Variants in SRRM4 observed in about 807,000 individuals in gnomAD.
SRRM4 encodes the protein serine/arginine repetitive matrix protein 4.
Under a neutral mutation model 68.9 loss-of-function variants are expected in SRRM4, and 33 were observed. The observed-to-expected ratio is 0.48, with a 90% CI of 0.36 to 0.64. The LOEUF is 0.64. Ranked by LOEUF, SRRM4 falls within the 30% of genes least tolerant of loss-of-function variation. SRRM4 has a pLI of 0.00. For synonymous variants in SRRM4, 318 were observed against 318.8 expected, an observed-to-expected ratio of 1.00 and a Z score of 0.03; for missense variants, 817 against 827.1, an observed-to-expected ratio of 0.99 and a Z score of 0.15.
In SRRM4 at chr12:119,017,332, C is replaced by T. The variant is rs535882420; in HGVS notation, c.131+35319C>T. 4.1e-4 allele frequency among the ~76,000 whole-genome samples: 63 copies of T among 152,342 alleles called. 2 individuals carry two copies. The South Asian group carries it at 0.013, about 31-fold the overall frequency. ...ATAATTTCTTCCAGTTCTAAAATTC[C>T]CGGATGCTATGCCTGGAAAGGCACA... On this transcript the variant is annotated intron_variant, in intron 1 of 12. Coordinates refer to ENST00000267260, the MANE Select transcript of SRRM4 (RefSeq NM_194286.4).
intron 8 of SRRM4, among the ~76,000 whole-genome samples, chr12:119,141,454 G>A (rs1565917963): frequency 1.3e-5 from 2 of 152,008 alleles, no homozygotes; most frequent in African/African-American, 2.4e-5. Flanking sequence ...ACACCCAGCC[G>A]AGCTGGTCTT....
At chr12:119,091,211 A>G (rs1285407055) in intron 1 of SRRM4, among the ~76,000 whole-genome samples, 1 of 152,204 alleles carries the variant, frequency 6.6e-6, no homozygotes, top group Non-Finnish European at 1.5e-5. Flanking sequence ...GGATCCTGTG[A>G]GTGACCCTGC....
At chr12:119,051,396 G>C (rs1953741555) in intron 1 of SRRM4, among the ~76,000 whole-genome samples, 1 of 152,164 alleles carries the variant, frequency 6.6e-6, no homozygotes, top group Non-Finnish European at 1.5e-5. Context: ...AAAAAGCAAG[G>C]CTCAGAGATG....
In SRRM4 at chr12:119,154,318, C is replaced by T; in HGVS notation, c.1467C>T (p.Ser489=). ...ERERARRRRR[S]YSPMRKRRRD... ...AGCGAGCGCGTCGGAGACGTCGGTC[C>T]TACTCGCCTATGAGAAAGCGCCGGA... is the stretch of plus-strand genomic sequence containing the variant. The change falls in exon 12 of 13, where the codon TCC becomes TCT. Residue 489 remains serine (S), a synonymous_variant. Coordinates refer to ENST00000267260, the MANE Select transcript of SRRM4 (RefSeq NM_194286.4). This position sits in a 1 kb window ranked among gnomAD's most constrained non-coding sequence, Gnocchi z 4.7. 1.2e-6 allele frequency: 2 copies of T among 1,612,922 alleles called. No individual in the cohort carries two copies. The highest frequency in any genetic ancestry group is 1.7e-6 in the Non-Finnish European group (2 of 1,179,602).
chr12:119,146,967 C>G (rs1341250571), intron 9 of SRRM4, among the ~76,000 whole-genome samples: 1 of 151,982 alleles, frequency 6.6e-6, no homozygotes, highest in Non-Finnish European at 1.5e-5. Context: ...ACAGTATTTA[C>G]CCAAATGAAT....
At chr12:119,016,232 T>C (rs1953480146) in intron 1 of SRRM4, among the ~76,000 whole-genome samples, 1 of 152,066 alleles carries the variant, frequency 6.6e-6, no homozygotes, top group South Asian at 2.1e-4. Flanking sequence ...ACACCTTGAT[T>C]TTGGATTTCT....
intron 8 of SRRM4, 54 bp downstream of exon 8, chr12:119,130,888 T>G: frequency 1.3e-6 from 2 of 1,548,046 alleles, no homozygotes; most frequent in East Asian, 4.6e-5. Flanking sequence ...ACTTGGGGAA[T>G]GTGGAGGCAC....
Position 119,159,760 on chromosome 12 carries a change from G to T in SRRM4, c.*2962G>T, listed in dbSNP as rs904714954. On this transcript the variant is annotated 3_prime_UTR_variant, in exon 13 of 13. Transcript: ENST00000267260. ...TCTCTCTGTCCCCTGAGATCTGAAG[G>T]CTACCTTGGGAAGAGGCATCAGCCA... 6.6e-6 allele frequency: 1 copy of T among 152,010 alleles called. No homozygotes were observed. Among genetic ancestry groups the T allele is most frequent in the Non-Finnish European group, 1.5e-5 (1 of 68,030 alleles). 9.4% of individuals were successfully genotyped at this position (152,010 alleles called of 1,614,324 possible). A position where few individuals can be genotyped will look rare whatever the true frequency, so the allele number is the denominator to read the frequency against.
chr12:119,044,249 T>C (rs1953690332), intron 1 of SRRM4, among the ~76,000 whole-genome samples: 1 of 152,192 alleles, frequency 6.6e-6, no homozygotes. Flanking sequence ...AGACTTTCTA[T>C]GTCAGTGGTG....
intron 8 of SRRM4, chr12:119,133,003 G>T (rs1028487435): frequency 1.3e-5 from 2 of 152,086 alleles, no homozygotes; most frequent in African/African-American, 2.4e-5. Context: ...CTCTTCTTCA[G>T]AAGGCAGCTG....
rs546304273 is a variant in SRRM4, at chr12:119,029,473, C to T, written c.131+47460C>T. On this transcript the variant is annotated intron_variant, in intron 1 of 12. Transcript: ENST00000267260. ...ATTTTTCATGTCATCCATTCAACAA[C>T]CAATGAGTCATTCAACAACCACTGA... Among the ~76,000 whole-genome samples, 131 of 152,264 alleles carry T rather than the reference C, an allele frequency of 8.6e-4. 1 individual carries two copies. Among genetic ancestry groups the T allele is most frequent in the African/African-American group, 3.0e-3 (126 of 41,548 alleles).
chr12:119,082,189 A>G (rs933541508), intron 1 of SRRM4, among the ~76,000 whole-genome samples: 5 of 152,110 alleles, frequency 3.3e-5, no homozygotes, highest in Admixed American at 2.0e-4. Flanking sequence ...AGGGGCCTCT[A>G]AAGGGCTCAG....
intron 1 of SRRM4, among the ~76,000 whole-genome samples, chr12:119,009,322 A>G (rs1340702444): frequency 6.6e-6 from 1 of 152,104 alleles, no homozygotes; most frequent in Non-Finnish European, 1.5e-5. Flanking sequence ...CCGGGCCAAG[A>G]AAGGGATGGG....
At chr12:118,994,795 G>C (rs552669885) in intron 1 of SRRM4, among the ~76,000 whole-genome samples, 1 of 152,320 alleles carries the variant, frequency 6.6e-6, no homozygotes, top group South Asian at 2.1e-4. Flanking sequence ...TGGTATGACT[G>C]AGTATTTGCA....
chr12:119,139,083 C>T (rs1036185269), intron 8 of SRRM4, among the ~76,000 whole-genome samples: 6 of 152,138 alleles, frequency 3.9e-5, no homozygotes, highest in African/African-American at 1.2e-4. Flanking sequence ...AAGAGGAGCT[C>T]TTCAAAGATG....
chr12:119,126,014 C>CTTTTTTTTTTTTTTTTTTT (rs34680171), intron 7 of SRRM4, among the ~76,000 whole-genome samples: 4 of 71,136 alleles, frequency 5.6e-5, no homozygotes, highest in Non-Finnish European at 7.5e-5. Context: ...ATACTAGCTG[C>CTTTTTTTTTTTTTTTTTTT]TTTTTTTTTT....
In SRRM4 at chr12:119,121,794, T is replaced by G. The variant is rs115629542; in HGVS notation, c.465-276T>G. 5.0e-3 allele frequency among the ~76,000 whole-genome samples: 760 copies of G among 152,330 alleles called. 12 individuals carry two copies. Among genetic ancestry groups the G allele is most frequent in the African/African-American group, 0.017 (706 of 41,554 alleles). Reference sequence around the variant, plus strand: ...TAAAGTCTCAAAAAATGGCAGACATTGTTATTACTACCTTTATTGCTGCCA... The same window carrying G: ...TAAAGTCTCAAAAAATGGCAGACATGGTTATTACTACCTTTATTGCTGCCA... On this transcript the variant is annotated intron_variant, in intron 5 of 12. Transcript: ENST00000267260.
intron 1 of SRRM4, among the ~76,000 whole-genome samples, chr12:119,059,220 C>T (rs1286486125): frequency 6.6e-6 from 1 of 152,074 alleles, no homozygotes; most frequent in Non-Finnish European, 1.5e-5. Context: ...ACATTCAACC[C>T]CTTGACAACT....
intron 1 of SRRM4, among the ~76,000 whole-genome samples, chr12:119,079,095 G>A (rs1429906180): frequency 6.6e-6 from 1 of 152,216 alleles, no homozygotes; most frequent in Non-Finnish European, 1.5e-5. Context: ...TGATGCAGGT[G>A]TGAGTGAATT....
Sources: gnomAD v4.1 joint callset for allele counts (sites outside exome capture counted in the v4.1 genomes callset) on GRCh38, gnomAD v4.1.1 for gene constraint, Gnocchi (gnomAD v3.1) non-coding constraint, MANE v1.5 for transcripts, NCBI Gene and HGNC (gene_info 2026-07-23, HGNC 2026-07-21) for gene names.